The following ASXL2 variants were observed in gnomAD, a reference collection of about 807,000 sequenced individuals.
ASXL2 encodes ASXL transcriptional regulator 2, also known as putative Polycomb group protein ASXL2.
In ASXL2, 23 loss-of-function variants were observed where a neutral mutation model predicts 122.0. The ratio of observed to expected loss-of-function variants is 0.19; its 90% CI spans 0.14 to 0.27. The LOEUF (loss-of-function observed/expected upper bound fraction) is 0.27. ASXL2 is among the 10% of genes least tolerant of loss of function. The pLI, the probability that ASXL2 is intolerant of heterozygous loss-of-function variation, is 1.00. For missense variants in ASXL2, 1,518 were observed against 1,713.8 expected, an observed-to-expected ratio of 0.89 and a Z score of 2.02; for synonymous variants, 650 against 637.0, an observed-to-expected ratio of 1.02 and a Z score of -0.31.
chr2:25,745,439 C>T (rs1193853874), intron 12 of ASXL2, among the ~76,000 whole-genome samples: 4 of 151,100 alleles, frequency 2.6e-5, no homozygotes, highest in Non-Finnish European at 5.9e-5. Context: ...TCTTGAACTC[C>T]TGACCTCTTG....
At chr2:25,806,616 T>G (rs10210497) in intron 3 of ASXL2, among the ~76,000 whole-genome samples, 42,171 of 152,140 alleles carry the variant, frequency 0.28, 6,148 homozygotes, top group African/African-American at 0.32. Flanking sequence ...AAACATATTT[T>G]GTAAACATTC....
chr2:25,878,336 A>G lies in ASXL2; in HGVS notation c.-114T>C, dbSNP rs2090027967. The G allele has an allele frequency of 8.6e-7, 1 of 1,165,758 alleles. No homozygotes were observed. Among genetic ancestry groups the G allele is most frequent in the East Asian group, 2.4e-5 (1 of 40,884 alleles). The allele number at this position is 1,165,758 out of a possible 1,614,324, so 72.2% of individuals were successfully genotyped here. ...TGCCGGGAAAGGTGGGAGAAAAGGG[A>G]AGTCAGACCGGGGGGGCACCCAAGC... On this transcript the variant is annotated 5_prime_UTR_variant, in exon 1 of 13. Coordinates refer to ENST00000435504, the MANE Select transcript of ASXL2 (RefSeq NM_018263.6).
At chr2:25,754,821 T>C (rs1007453807) in intron 10 of ASXL2, among the ~76,000 whole-genome samples, 1 of 151,790 alleles carries the variant, frequency 6.6e-6, no homozygotes, top group African/African-American at 2.4e-5. Flanking sequence ...TATGTTTTAA[T>C]CTTTCTGAGA....
Position 25,784,615 on chromosome 2 carries a change from C to T in ASXL2, c.404-13075G>A, listed in dbSNP as rs1574415224. 3.9e-5 allele frequency among the ~76,000 whole-genome samples: 6 copies of T among 152,286 alleles called. No homozygotes were observed. The South Asian group carries it at 1.2e-3, about 32-fold the overall frequency. On this transcript the variant is annotated intron_variant, in intron 5 of 12. Coordinates refer to ENST00000435504, the MANE Select transcript of ASXL2 (RefSeq NM_018263.6). ...GTTCCTTCTGTGAGATAAGCTATTCCGTCCCTTTCTCTTAGTTTCTGGTAA... is the reference window on the plus strand; with the variant it reads ...GTTCCTTCTGTGAGATAAGCTATTCTGTCCCTTTCTCTTAGTTTCTGGTAA...
intron 9 of ASXL2, 51 bp downstream of exon 9, chr2:25,759,431 A>C: frequency 1.3e-6 from 2 of 1,554,074 alleles, no homozygotes; most frequent in South Asian, 2.3e-5. Flanking sequence ...ACCACTTTAC[A>C]AGTATACATA....
At chr2:25,852,609 C>A (rs1433011236) in intron 1 of ASXL2, among the ~76,000 whole-genome samples, 1 of 152,154 alleles carries the variant, frequency 6.6e-6, no homozygotes, top group Non-Finnish European at 1.5e-5. Flanking sequence ...TAAATCAGAT[C>A]AGCCAATATA....
intron 5 of ASXL2, among the ~76,000 whole-genome samples, chr2:25,783,720 G>A (rs922954660): frequency 2.6e-5 from 4 of 151,974 alleles, no homozygotes; most frequent in South Asian, 4.2e-4. Flanking sequence ...ACTTGAGTTC[G>A]AGACCAGCCT....
At chr2:25,775,809 T>C (rs1559507768) in intron 5 of ASXL2, among the ~76,000 whole-genome samples, 1 of 152,224 alleles carries the variant, frequency 6.6e-6, no homozygotes, top group South Asian at 2.1e-4. Context: ...CCTCTTTCTG[T>C]CTGAGAAATA....
At chr2:25,843,809 T>C (rs1185812965) in intron 2 of ASXL2, among the ~76,000 whole-genome samples, 3 of 59,694 alleles carry the variant, frequency 5.0e-5, no homozygotes, top group African/African-American at 9.4e-5. Flanking sequence ...TGAGACTCCA[T>C]CTCTTAAAAA....
chr2:25,752,955 G>T (rs1347512941), intron 11 of ASXL2, among the ~76,000 whole-genome samples: 1 of 149,962 alleles, frequency 6.7e-6, no homozygotes, highest in Admixed American at 6.6e-5. Flanking sequence ...TTAATTCAAA[G>T]TTTTTTTAGA....
At chr2:25,806,099 G>A (rs1010480256) in intron 4 of ASXL2, 130 bp downstream of exon 4, 2 of 585,294 alleles carry the variant, frequency 3.4e-6, no homozygotes, top group Non-Finnish European at 6.1e-6. Flanking sequence ...ATTGGGTAGA[G>A]GTTTCAAAAT....
intron 5 of ASXL2, chr2:25,780,213 TTTGA>T (rs1358146853): frequency 1.3e-5 from 2 of 151,686 alleles, no homozygotes; most frequent in Non-Finnish European, 2.9e-5. Flanking sequence ...TGTCTAGCAC[TTTGA>T]TTTTTTTTTT....
chr2:25,810,396 A>T, intron 3 of ASXL2: 1 of 678,702 alleles, frequency 1.5e-6, no homozygotes. Context: ...TATCTCTCTC[A>T]CTCTGATCAG....
intron 1 of ASXL2, among the ~76,000 whole-genome samples, chr2:25,869,411 T>C (rs2089942013): frequency 6.6e-6 from 1 of 152,052 alleles, no homozygotes; most frequent in Non-Finnish European, 1.5e-5. Flanking sequence ...AGCATTCCTA[T>C]GTAAGAAACT....
At position 25,824,964 on chromosome 2, in the gene ASXL2, G is replaced by T. The variant is rs1450976003; in HGVS notation, c.143+10574C>A. Reference sequence around the variant, plus strand: ...TTCAAAGTTAAAAGTCTCAGCTTTAGCTTGCTTTGTCTTGTCTATAATCCT... The same window carrying T: ...TTCAAAGTTAAAAGTCTCAGCTTTATCTTGCTTTGTCTTGTCTATAATCCT... On this transcript the variant is annotated intron_variant, in intron 3 of 12. Coordinates refer to ENST00000435504, the MANE Select transcript of ASXL2 (RefSeq NM_018263.6). Among the ~76,000 whole-genome samples the T allele has an allele frequency of 1.3e-5, 2 of 152,270 alleles. 1 individual carries two copies. Among genetic ancestry groups the T allele is most frequent in the South Asian group, 4.1e-4 (2 of 4,822 alleles).
chr2:25,785,527 C>G lies in ASXL2; in HGVS notation c.403+13858G>C, dbSNP rs572274088. ...GGAGTGAGTCACTGTGCCCACCCCC[C>G]AAACCTTTTAAGGAAGAAAAACAAT... On this transcript the variant is annotated intron_variant, in intron 5 of 12. Transcript: ENST00000435504. Among the ~76,000 whole-genome samples, 78 of 151,766 alleles carry G rather than the reference C, an allele frequency of 5.1e-4. 1 individual carries two copies. The South Asian group carries it at 0.016, about 31-fold the overall frequency.
intron 1 of ASXL2, among the ~76,000 whole-genome samples, chr2:25,847,356 T>C (rs2089660792): frequency 6.6e-6 from 1 of 152,234 alleles, no homozygotes; most frequent in Non-Finnish European, 1.5e-5. Flanking sequence ...CAGTTTTCTT[T>C]GTAGATGTCT....
intron 3 of ASXL2, among the ~76,000 whole-genome samples, chr2:25,827,923 G>A (rs551931520): frequency 3.3e-5 from 5 of 151,842 alleles, no homozygotes; most frequent in African/African-American, 9.7e-5. Flanking sequence ...TTACCTTACC[G>A]TTAACACCTA....
chr2:25,748,534 C>G (rs2149139912), intron 12 of ASXL2, among the ~76,000 whole-genome samples: 2 of 151,848 alleles, frequency 1.3e-5, no homozygotes, highest in South Asian at 4.2e-4. Context: ...GAGAATGGGT[C>G]AAGTTCTGGT....
Sources: gnomAD v4.1 joint callset for allele counts (sites outside exome capture counted in the v4.1 genomes callset) on GRCh38, gnomAD v4.1.1 for gene constraint, MANE v1.5 for transcripts, NCBI Gene and HGNC (gene_info 2026-07-23, HGNC 2026-07-21) for gene names.